Variants in SEMA3B observed in about 807,000 individuals in gnomAD.
The protein encoded by SEMA3B is semaphorin 3B.
A neutral mutation model predicts 77.8 loss-of-function variants in SEMA3B; 71 were observed. The observed-to-expected ratio is 0.91, with a 90% CI of 0.75 to 1.11. The LOEUF (loss-of-function observed/expected upper bound fraction) is 1.11. SEMA3B is among the 50% of genes most tolerant of loss of function. SEMA3B has a pLI of 0.00. For synonymous variants in SEMA3B, 470 were observed against 452.9 expected, an observed-to-expected ratio of 1.04 and a Z score of -0.48; for missense variants, 968 against 1,056.8, an observed-to-expected ratio of 0.92 and a Z score of 1.17.
chr3:50,260,480 C>T, the SEMA3B span: 1 of 152,296 alleles, frequency 6.6e-6, no homozygotes, highest in African/African-American at 2.4e-5. Flanking sequence ...GGCCCGGTCC[C>T]CGCCCCAGTT....
At chr3:50,263,605 G>A (rs1269605550), upstream of SEMA3B, among the ~76,000 whole-genome samples, 1 of 151,942 alleles carries the variant, frequency 6.6e-6, no homozygotes, top group Non-Finnish European at 1.5e-5. Context: ...CTCTGAGTCA[G>A]GGGTCAGGGA....
rs1266871645 is a variant in SEMA3B, at chr3:50,273,208, C to T, written c.665-90C>T. Reference sequence around the variant, plus strand: ...AGACACTGTGATCCCGGGTGCTGTGCCCGCACTACGGGAAGGGGAAGCAGC... The same window carrying T: ...AGACACTGTGATCCCGGGTGCTGTGTCCGCACTACGGGAAGGGGAAGCAGC... On this transcript the variant is annotated intron_variant, in intron 6 of 16. Coordinates refer to ENST00000616701, the MANE Select transcript of SEMA3B (RefSeq NM_001290060.2). The surrounding 1 kb of genome is among the most constrained non-coding windows in gnomAD (Gnocchi z 6.5). The T allele has an allele frequency of 1.3e-6, 2 of 1,504,032 alleles. No homozygotes were observed. The highest frequency in any genetic ancestry group is 1.4e-5 in the African/African-American group (1 of 71,772). 93.2% of individuals were successfully genotyped at this position (1,504,032 alleles called of 1,614,324 possible).
rs1701248020 is a variant in SEMA3B, at chr3:50,276,389, G to GC, written c.1935dup (p.Ala646ArgfsTer84). ...CCGGGACTCGGGCGTGTACTTGTGC[G>GC]CCGCCGTCGAGCAGGGCTTTACGCA... On this transcript the variant is annotated frameshift_variant, in exon 17 of 17. Coordinates refer to ENST00000616701, the MANE Select transcript of SEMA3B (RefSeq NM_001290060.2). LOFTEE classifies it low-confidence loss of function (END_TRUNC). The surrounding 1 kb of genome is among the most constrained non-coding windows in gnomAD (Gnocchi z 5.8). 1 of 1,536,150 alleles carries GC rather than the reference G, an allele frequency of 6.5e-7. No homozygotes were observed. The highest frequency in any genetic ancestry group is 8.7e-7 in the Non-Finnish European group (1 of 1,145,750).
chr3:50,269,872 G>T lies in SEMA3B; in HGVS notation c.110-255G>T, dbSNP rs114530767. Among the ~76,000 whole-genome samples the T allele has an allele frequency of 2.4e-3, 362 of 152,296 alleles. 1 individual carries two copies. Among genetic ancestry groups the T allele is most frequent in the African/African-American group, 8.4e-3 (349 of 41,564 alleles). Reference sequence around the variant, plus strand: ...TTGCCTCCCAGTGCGCCCGCCTGGAGACACCACCTGTCTGAGCATGCCCAA... The same window carrying T: ...TTGCCTCCCAGTGCGCCCGCCTGGATACACCACCTGTCTGAGCATGCCCAA... On this transcript the variant is annotated intron_variant, in intron 1 of 16. Transcript: ENST00000616701. This position sits in a 1 kb window ranked among gnomAD's most constrained non-coding sequence, Gnocchi z 4.0.
In SEMA3B at chr3:50,274,807, A is replaced by G; in HGVS notation, c.1358-36A>G. 1 of 1,600,046 alleles carries G rather than the reference A, an allele frequency of 6.2e-7. No individual in the cohort carries two copies. Among genetic ancestry groups the G allele is most frequent in the Non-Finnish European group, 8.5e-7 (1 of 1,173,020 alleles). ...GAGACACTAGCCCCAGCTGTCCGGG[A>G]GCACCAATGGTCATTACCCCTTCTC... On this transcript the variant is annotated intron_variant, in intron 11 of 16. Coordinates refer to ENST00000616701, the MANE Select transcript of SEMA3B (RefSeq NM_001290060.2). This position sits in a 1 kb window ranked among gnomAD's most constrained non-coding sequence, Gnocchi z 4.7.
rs1553705036 is a variant in SEMA3B at position 50,269,749 on chromosome 3, G to A, written c.110-378G>A. The stretch of plus-strand genomic sequence containing the variant: ...TTCTGCTGAGCTCAGGCTGGTGGTG[G>A]AGTGGCAGGAAAGGAACTCTCAGCC... On this transcript the variant is annotated intron_variant, in intron 1 of 16. Coordinates refer to ENST00000616701, the MANE Select transcript of SEMA3B (RefSeq NM_001290060.2). This position sits in a 1 kb window ranked among gnomAD's most constrained non-coding sequence, Gnocchi z 4.0. Among the ~76,000 whole-genome samples, 1 of 152,214 alleles carries A rather than the reference G, an allele frequency of 6.6e-6. No homozygotes were observed.
chr3:50,274,552 G>C lies in SEMA3B; in HGVS notation c.1327G>C (p.Gly443Arg). Residue 443 changes from glycine to arginine, a missense_variant, in exon 11 of 17, where the codon GGA (glycine) becomes CGA (arginine). Physicochemically the swap from Gly to Arg is moderately radical, Grantham distance 125. Transcript: ENST00000616701. The surrounding 1 kb of genome is among the most constrained non-coding windows in gnomAD (Gnocchi z 4.7). ...CGCGGACCGGGTTGCAGCCGCTGAC[G>C]GACACTATGACGTCCTCTTCATTGG... is the stretch of plus-strand genomic sequence containing the variant. Reference protein sequence around the residue: ...IAADRVAAADGHYDVLFIGTD... With the variant: ...IAADRVAAADRHYDVLFIGTD... 1 of 1,555,808 alleles carries C rather than the reference G, an allele frequency of 6.4e-7. No individual in the cohort carries two copies. Among genetic ancestry groups the C allele is most frequent in the Non-Finnish European group, 8.7e-7 (1 of 1,151,996 alleles).
Position 50,273,838 on chromosome 3 carries a change from A to G in SEMA3B, c.992+10A>G. The G allele has an allele frequency of 6.4e-7, 1 of 1,573,950 alleles. No individual in the cohort carries two copies. The highest frequency in any genetic ancestry group is 1.1e-5 in the South Asian group (1 of 87,062). Reference sequence around the variant, plus strand: ...TCTTCTCCACGTCCAGGTGAGGGGCAGGAGGTAGGGAGCGCCCGGGGCGGG... The same window carrying G: ...TCTTCTCCACGTCCAGGTGAGGGGCGGGAGGTAGGGAGCGCCCGGGGCGGG... On this transcript the variant is annotated intron_variant, in intron 9 of 16. Coordinates refer to ENST00000616701, the MANE Select transcript of SEMA3B (RefSeq NM_001290060.2). The surrounding 1 kb of genome is among the most constrained non-coding windows in gnomAD (Gnocchi z 6.5).
At position 50,276,616 on chromosome 3, in the gene SEMA3B, C is replaced by G. The variant is rs933843047; in HGVS notation, c.2160C>G (p.Pro720=). The G allele has an allele frequency of 1.3e-6, 2 of 1,590,482 alleles. No individual in the cohort carries two copies. The highest frequency in any genetic ancestry group is 2.3e-5 in the South Asian group (2 of 88,400). Residue 720 remains proline (P), a synonymous_variant, in exon 17 of 17, where the codon CCC becomes CCG. Transcript: ENST00000616701. This position sits in a 1 kb window ranked among gnomAD's most constrained non-coding sequence, Gnocchi z 5.8. ...CRPQPALQSL[P]LESRRKGRNR... is the part of the protein sequence containing the mutation. ...CGCAGCCTGCGCTGCAGTCACTGCC[C>G]CTGGAGTCGCGGAGAAAGGGCCGTA...
Position 50,275,545 on chromosome 3 carries a change from G to C in SEMA3B, c.1650-15G>C. 1 of 1,613,724 alleles carries C rather than the reference G, an allele frequency of 6.2e-7. No individual in the cohort carries two copies. The highest frequency in any genetic ancestry group is 8.5e-7 in the Non-Finnish European group (1 of 1,179,898). ...CTGAAAGAAGGGCTCACAGAAGATCGGATGTTCCCCACAGGCGGTTCCGGC... is the reference window on the plus strand; with the variant it reads ...CTGAAAGAAGGGCTCACAGAAGATCCGATGTTCCCCACAGGCGGTTCCGGC... On this transcript the variant is annotated splice_polypyrimidine_tract_variant and intron_variant, in intron 14 of 16. Coordinates refer to ENST00000616701, the MANE Select transcript of SEMA3B (RefSeq NM_001290060.2). This position sits in a 1 kb window ranked among gnomAD's most constrained non-coding sequence, Gnocchi z 7.5.
In SEMA3B at chr3:50,274,969, C is replaced by A. The variant is rs782803434; in HGVS notation, c.1449+35C>A. 2.2e-5 allele frequency: 35 copies of A among 1,600,010 alleles called. No homozygotes were observed. The highest frequency in any genetic ancestry group is 2.6e-5 in the Non-Finnish European group (31 of 1,174,172). On this transcript the variant is annotated intron_variant, in intron 12 of 16. Coordinates refer to ENST00000616701, the MANE Select transcript of SEMA3B (RefSeq NM_001290060.2). This position sits in a 1 kb window ranked among gnomAD's most constrained non-coding sequence, Gnocchi z 4.7. ...CACCCCCAGTCGCCCGGGACCCCCC[C>A]ACCCCACTAAGCCCTGACCCCGTCG...
Position 50,276,272 on chromosome 3 carries a change from C to A in SEMA3B, c.1846-30C>A. ...CGGAAGCCCTGTTCCCGGCCCGACACCCCCGCCTCACGCTGCCCTCTGCCC... is the reference window on the plus strand; with the variant it reads ...CGGAAGCCCTGTTCCCGGCCCGACAACCCCGCCTCACGCTGCCCTCTGCCC... On this transcript the variant is annotated intron_variant, in intron 16 of 16. Transcript: ENST00000616701. This position sits in a 1 kb window ranked among gnomAD's most constrained non-coding sequence, Gnocchi z 5.8. The A allele has an allele frequency of 2.1e-6, 3 of 1,453,312 alleles. No homozygotes were observed. The highest frequency in any genetic ancestry group is 2.8e-5 in the South Asian group (2 of 72,356). 90.0% of individuals were successfully genotyped at this position (1,453,312 alleles called of 1,614,324 possible). A position where few individuals can be genotyped will look rare whatever the true frequency, so the allele number is the denominator to read the frequency against.
upstream of SEMA3B, among the ~76,000 whole-genome samples, chr3:50,264,781 C>T (rs1700872105): frequency 6.6e-6 from 1 of 152,354 alleles, no homozygotes; most frequent in East Asian, 1.9e-4. Flanking sequence ...GCCCCGCCCC[C>T]AGCCCCCTCT....
chr3:50,272,710 CA>C (rs34975459), intron 6 of SEMA3B, among the ~76,000 whole-genome samples: 2,414 of 71,798 alleles, frequency 0.034, 61 homozygotes, highest in African/African-American at 0.098. Flanking sequence ...GACTTCGTCT[CA>C]AAAAAAAAAA....
rs1701203886 is a variant in SEMA3B at position 50,275,469 on chromosome 3, G to A, written c.1649+10G>A. On this transcript the variant is annotated intron_variant, in intron 14 of 16. Transcript: ENST00000616701. This position sits in a 1 kb window ranked among gnomAD's most constrained non-coding sequence, Gnocchi z 7.5. The stretch of plus-strand genomic sequence containing the variant: ...AGCCCAGTGCCAAGAGGTGGGCGGG[G>A]TCGGGGTTGGGCCGCCGGGAGGGAG... The A allele has an allele frequency of 6.2e-7, 1 of 1,606,954 alleles. No homozygotes were observed. The highest frequency in any genetic ancestry group is 2.2e-5 in the East Asian group (1 of 44,690).
In SEMA3B at chr3:50,273,835, G is replaced by A; in HGVS notation, c.992+7G>A. ...CCGTCTTCTCCACGTCCAGGTGAGG[G>A]GCAGGAGGTAGGGAGCGCCCGGGGC... On this transcript the variant is annotated splice_region_variant and intron_variant, in intron 9 of 16. Coordinates refer to ENST00000616701, the MANE Select transcript of SEMA3B (RefSeq NM_001290060.2). This position sits in a 1 kb window ranked among gnomAD's most constrained non-coding sequence, Gnocchi z 6.5. The A allele has an allele frequency of 1.9e-6, 3 of 1,575,140 alleles. No homozygotes were observed. The highest frequency in any genetic ancestry group is 2.6e-6 in the Non-Finnish European group (3 of 1,159,432).
In SEMA3B at chr3:50,275,819, G is replaced by A. The variant is rs1553706553; in HGVS notation, c.1820G>A (p.Arg607His). Residue 607 changes from arginine to histidine, a missense_variant, in exon 16 of 17, where the codon CGC becomes CAC. Coordinates refer to ENST00000616701, the MANE Select transcript of SEMA3B (RefSeq NM_001290060.2). This position sits in a 1 kb window ranked among gnomAD's most constrained non-coding sequence, Gnocchi z 7.5. ...LQARVEWTFQRAGVTAHTQVL... is the reference protein window; with the variant it reads ...LQARVEWTFQHAGVTAHTQVL... ...GCGCGCGTGGAGTGGACTTTCCAGC[G>A]CGCAGGGGTGACAGCCCACACCCAG... 6.2e-7 allele frequency: 1 copy of A among 1,608,020 alleles called. No individual in the cohort carries two copies. Among genetic ancestry groups the A allele is most frequent in the Non-Finnish European group, 8.5e-7 (1 of 1,178,864 alleles).
rs1701132342 is a variant in SEMA3B, at chr3:50,273,863, G to C, written c.992+35G>C. 5.7e-6 allele frequency: 9 copies of C among 1,566,876 alleles called. No homozygotes were observed. Among genetic ancestry groups the C allele is most frequent in the African/African-American group, 1.4e-5 (1 of 73,724 alleles). On this transcript the variant is annotated intron_variant, in intron 9 of 16. Transcript: ENST00000616701. This position sits in a 1 kb window ranked among gnomAD's most constrained non-coding sequence, Gnocchi z 6.5. ...AGGAGGTAGGGAGCGCCCGGGGCGG[G>C]CCGCTGGGCTCCACCCGGCCCCTCA...
At position 50,274,475 on chromosome 3, in the gene SEMA3B, G is replaced by A. The variant is rs782203590; in HGVS notation, c.1250G>A (p.Gly417Glu). The change falls in exon 11 of 17, where the codon GGG becomes GAG. Residue 417 changes from glycine to glutamate, a missense_variant. By Grantham distance (98) the Gly-to-Glu change is moderately conservative. Coordinates refer to ENST00000616701, the MANE Select transcript of SEMA3B (RefSeq NM_001290060.2). This position sits in a 1 kb window ranked among gnomAD's most constrained non-coding sequence, Gnocchi z 4.7. ...TACAACTCTGTCCTGCCCACTGGGG[G>A]GCGCCCTCTTTTCCTACAAGTTGGA... ...LMYNSVLPTG[G>E]RPLFLQVGAN... 4 of 1,549,836 alleles carry A rather than the reference G, an allele frequency of 2.6e-6. No homozygotes were observed. In the South Asian group the frequency reaches 5.0e-5, roughly 19 times the overall value.
Sources: allele counts gnomAD v4.1 joint callset (sites outside exome capture counted in the v4.1 genomes callset), GRCh38; gene constraint gnomAD v4.1.1; non-coding constraint Gnocchi (gnomAD v3.1); transcripts MANE v1.5; gene names NCBI Gene and HGNC (gene_info 2026-07-23, HGNC 2026-07-21).